Variants in DOP1B observed in about 807,000 individuals in gnomAD.
DOP1B encodes the protein DOP1 leucine zipper like protein B.
A neutral mutation model predicts 233.5 loss-of-function variants in DOP1B; 174 were observed. The observed-to-expected ratio is 0.75, with a 90% CI of 0.66 to 0.85. The LOEUF (loss-of-function observed/expected upper bound fraction) is 0.85. Ranked by LOEUF, DOP1B falls within the 40% of genes least tolerant of loss-of-function variation. The pLI, the probability that DOP1B is intolerant of heterozygous loss-of-function variation, is 0.00. For synonymous variants in DOP1B, 1,190 were observed against 1,185.6 expected, an observed-to-expected ratio of 1.00 and a Z score of -0.08; for missense variants, 2,652 against 2,846.6, an observed-to-expected ratio of 0.93 and a Z score of 1.56.
intron 33 of DOP1B, among the ~76,000 whole-genome samples, chr21:36,288,523 T>A (rs2067515280): frequency 6.6e-6 from 1 of 152,134 alleles, no homozygotes. Context: ...TGAAACTCCT[T>A]GTCTACAAAA....
At chr21:36,178,830 T>C (rs1313320503) in intron 2 of DOP1B, among the ~76,000 whole-genome samples, 2 of 152,250 alleles carry the variant, frequency 1.3e-5, no homozygotes, top group African/African-American at 2.4e-5. Context: ...TACAATAAAC[T>C]GCAAGCATTT....
chr21:36,254,685 A>G (rs929025127), intron 23 of DOP1B, among the ~76,000 whole-genome samples: 5 of 152,170 alleles, frequency 3.3e-5, no homozygotes, highest in African/African-American at 1.2e-4. Context: ...AGTATTTATC[A>G]TTGTAAACTT....
In DOP1B at chr21:36,200,349, C is replaced by G. The variant is rs201707335; in HGVS notation, c.339C>G (p.Leu113=). The change falls in exon 4 of 37, where the codon CTC becomes CTG. Residue 113 remains leucine, a synonymous_variant. Coordinates refer to ENST00000691173, the MANE Select transcript of DOP1B (RefSeq NM_001320714.2). ...LFLYSCGLFP[L]LAHAAVSVRP... is the part of the protein sequence containing the mutation. ...CTCGAAGCTGCGGGTTATTTCCTCTCCTGGCACACGCGGCGGTGTCGGTGA... is the reference window on the plus strand; with the variant it reads ...CTCGAAGCTGCGGGTTATTTCCTCTGCTGGCACACGCGGCGGTGTCGGTGA... 4.4e-6 allele frequency: 7 copies of G among 1,603,502 alleles called. No homozygotes were observed. The African/African-American group carries it at 8.0e-5, about 18-fold the overall frequency.
At chr21:36,259,274 T>C (rs1569056966) in intron 23 of DOP1B, among the ~76,000 whole-genome samples, 3 of 149,164 alleles carry the variant, frequency 2.0e-5, no homozygotes, top group Non-Finnish European at 4.5e-5. Context: ...CTTTTTTTTT[T>C]TTTTCTTTTT....
intron 2 of DOP1B, among the ~76,000 whole-genome samples, chr21:36,165,815 A>G (rs1392852020): frequency 6.6e-6 from 1 of 150,686 alleles, no homozygotes; most frequent in African/African-American, 2.4e-5. Flanking sequence ...TCCCAGGTTC[A>G]AGCGATTACT....
intron 1 of DOP1B, among the ~76,000 whole-genome samples, chr21:36,157,958 AATTATT>A (rs913731279): frequency 2.6e-5 from 4 of 150,960 alleles, no homozygotes; most frequent in Non-Finnish European, 4.4e-5. Flanking sequence ...TCTTTTTCTA[AATTATT>A]ATTATTATTA....
At chr21:36,257,292 T>C (rs1194295511) in intron 23 of DOP1B, among the ~76,000 whole-genome samples, 2 of 152,144 alleles carry the variant, frequency 1.3e-5, no homozygotes, top group East Asian at 1.9e-4. Flanking sequence ...GGAAACTTCA[T>C]TGGATGGGTA....
At chr21:36,291,575 GGTTCCGA>G (rs1374539528) in intron 35 of DOP1B, among the ~76,000 whole-genome samples, 2 of 151,906 alleles carry the variant, frequency 1.3e-5, no homozygotes, top group East Asian at 3.9e-4. Flanking sequence ...CAAAAAAGTG[GGTTCCGA>G]TATATGTGAA....
rs2066536883 is a variant in DOP1B at position 36,214,437 on chromosome 21, A to G, written c.1015-5A>G. On this transcript the variant is annotated splice_polypyrimidine_tract_variant and splice_region_variant and intron_variant, in intron 8 of 36. Transcript: ENST00000691173. ...TTCTAATATGTGGCTTTTTTTAAAT[A>G]ATAGGGTTTGGCTGAGATATTGCAT... 1 of 1,605,038 alleles carries G rather than the reference A, an allele frequency of 6.2e-7. No homozygotes were observed. The highest frequency in any genetic ancestry group is 1.3e-5 in the African/African-American group (1 of 74,096).
intron 5 of DOP1B, among the ~76,000 whole-genome samples, chr21:36,210,136 C>T (rs1399745937): frequency 6.7e-6 from 1 of 149,208 alleles, no homozygotes; most frequent in African/African-American, 2.6e-5. Context: ...CTGGTTTCTT[C>T]CCATCCCAAA....
chr21:36,214,358 G>GT, intron 8 of DOP1B, 84 bp from the exon 9 acceptor site: 1 of 1,421,446 alleles, frequency 7.0e-7, no homozygotes, highest in Non-Finnish European at 9.7e-7. Context: ...CTGTCCCAGA[G>GT]TATTTAACAA....
At chr21:36,238,724 CT>C (rs2066855861) in intron 17 of DOP1B, 23 bp downstream of exon 17, 1 of 1,609,954 alleles carries the variant, frequency 6.2e-7, no homozygotes, top group East Asian at 2.2e-5. Flanking sequence ...TCGTTATGAT[CT>C]ACCGTTAACT....
At chr21:36,216,328 C>A (rs566632251) in intron 9 of DOP1B, among the ~76,000 whole-genome samples, 2 of 139,428 alleles carry the variant, frequency 1.4e-5, no homozygotes, top group Non-Finnish European at 3.1e-5. Context: ...AAGAAATTTG[C>A]GGCCAGGTGT....
At chr21:36,184,376 G>A (rs2066138434) in intron 2 of DOP1B, among the ~76,000 whole-genome samples, 1 of 151,990 alleles carries the variant, frequency 6.6e-6, no homozygotes, top group Non-Finnish European at 1.5e-5. Flanking sequence ...GTAGAGGCGG[G>A]TTTCGCTATG....
At position 36,210,145 on chromosome 21, in the gene DOP1B, A is replaced by AGG. The variant is rs1195766035; in HGVS notation, c.681+1241_681+1242insGG. Among the ~76,000 whole-genome samples the AGG allele has an allele frequency of 9.5e-3, 1,441 of 151,924 alleles. 25 individuals are homozygous for AGG. The highest frequency in any genetic ancestry group is 0.032 in the African/African-American group (1,324 of 41,390). On this transcript the variant is annotated intron_variant, in intron 5 of 36. Transcript: ENST00000691173. ...ATCTGACTGGTTTCTTCCCATCCCA[A>AGG]ATCTGCTAAGAGATTTGGGATGGGG...
At chr21:36,191,877 G>A (rs2066238581) in intron 2 of DOP1B, among the ~76,000 whole-genome samples, 1 of 151,792 alleles carries the variant, frequency 6.6e-6, no homozygotes, top group South Asian at 2.1e-4. Flanking sequence ...TTATGCTATT[G>A]TGGTAAAATA....
intron 12 of DOP1B, among the ~76,000 whole-genome samples, chr21:36,226,570 A>T (rs980240628): frequency 2.0e-5 from 3 of 151,576 alleles, no homozygotes; most frequent in Non-Finnish European, 4.4e-5. Context: ...AAGTGCTGGG[A>T]TTACAGATGT....
chr21:36,259,194 T>A (rs539013403), intron 23 of DOP1B, among the ~76,000 whole-genome samples: 1 of 152,152 alleles, frequency 6.6e-6, no homozygotes, highest in Admixed American at 6.5e-5. Flanking sequence ...CTCGATCTCC[T>A]GACCACGTGA....
intron 2 of DOP1B, among the ~76,000 whole-genome samples, chr21:36,193,017 C>G (rs1328645528): frequency 6.6e-6 from 1 of 152,140 alleles, no homozygotes; most frequent in Non-Finnish European, 1.5e-5. Context: ...CAAGGAAATT[C>G]ATACTGTTTT....
Sources: allele counts gnomAD v4.1 joint callset (sites outside exome capture counted in the v4.1 genomes callset), GRCh38; gene constraint gnomAD v4.1.1; transcripts MANE v1.5; gene names NCBI Gene and HGNC (gene_info 2026-07-23, HGNC 2026-07-21).